ZNF569: variants seen among roughly 807,000 people sequenced by gnomAD.
ZNF569 encodes the protein zinc finger protein 569.
ZNF569 carries 38 observed loss-of-function variants against 56.3 expected under a neutral mutation model. The ratio of observed to expected loss-of-function variants is 0.68; its 90% CI spans 0.52 to 0.88. ZNF569 has a LOEUF of 0.88. ZNF569 is among the 40% of genes least tolerant of loss of function. ZNF569 has a pLI of 0.00. For missense variants in ZNF569, 666 were observed against 809.2 expected (o/e 0.82, Z 2.15); for synonymous variants, 241 against 262.9 (o/e 0.92, Z 0.81).
At chr19:37,437,405 C>A (rs1029697511) in intron 3 of ZNF569, among the ~76,000 whole-genome samples, 1 of 152,126 alleles carries the variant, frequency 6.6e-6, no homozygotes, top group Non-Finnish European at 1.5e-5. Context: ...GAAAGCCTTT[C>A]CTTTAAGATC....
At chr19:37,442,420 C>T (rs2041421659) in intron 3 of ZNF569, among the ~76,000 whole-genome samples, 1 of 152,054 alleles carries the variant, frequency 6.6e-6, no homozygotes, top group South Asian at 2.1e-4. Flanking sequence ...GGGTGAAACA[C>T]AGTGAATGAG....
intron 2 of ZNF569, among the ~76,000 whole-genome samples, chr19:37,451,210 G>GA (rs1404939422): frequency 1.3e-5 from 2 of 151,948 alleles, no homozygotes; most frequent in Non-Finnish European, 2.9e-5. Context: ...GACCAGCCTG[G>GA]ATAACATGTT....
At chr19:37,428,221 C>G (rs75226039) in intron 3 of ZNF569, among the ~76,000 whole-genome samples, 1 of 152,082 alleles carries the variant, frequency 6.6e-6, no homozygotes, top group African/African-American at 2.4e-5. Context: ...TATTTAAAAG[C>G]TGGAGCTAGG....
chr19:37,414,397 C>T lies in ZNF569; in HGVS notation c.261G>A (p.Glu87=). 6.3e-7 allele frequency: 1 copy of T among 1,588,688 alleles called. No homozygotes were observed. The highest frequency in any genetic ancestry group is 8.5e-7 in the Non-Finnish European group (1 of 1,170,686). Residue 87 remains glutamate, a synonymous_variant, in exon 6 of 6, where the codon GAG becomes GAA. Coordinates refer to ENST00000316950, the MANE Select transcript of ZNF569 (RefSeq NM_152484.3). ...HWQGEIWGVD[E]HQKNQDRLLR... ...AAAGTCTGTCCTGGTTTTTCTGATG[C>T]TCATCAACTCCCCATATTTCTCCTA...
intron 3 of ZNF569, among the ~76,000 whole-genome samples, chr19:37,442,570 T>C (rs1224913240): frequency 1.3e-5 from 2 of 152,192 alleles, no homozygotes; most frequent in Non-Finnish European, 2.9e-5. Context: ...ACCTTAGGTT[T>C]AAATTATCAC....
intron 5 of ZNF569, among the ~76,000 whole-genome samples, chr19:37,417,579 G>A (rs1404855477): frequency 1.3e-5 from 2 of 152,124 alleles, no homozygotes; most frequent in Non-Finnish European, 2.9e-5. Context: ...TACCCAGCTT[G>A]TGGTACTTTG....
chr19:37,457,096 C>A (rs1029274933), intron 2 of ZNF569, among the ~76,000 whole-genome samples: 19 of 152,026 alleles, frequency 1.2e-4, no homozygotes, highest in African/African-American at 4.6e-4. Flanking sequence ...ACCTCTCTTT[C>A]CTTCTCTAAA....
At chr19:37,462,060 C>G (rs555994657) in intron 2 of ZNF569, among the ~76,000 whole-genome samples, 51 of 152,278 alleles carry the variant, frequency 3.3e-4, no homozygotes, top group Admixed American at 3.0e-3. Flanking sequence ...TTCTCAAACT[C>G]TAGCACGTCC....
At chr19:37,415,613 A>G (rs572756347) in intron 5 of ZNF569, among the ~76,000 whole-genome samples, 45 of 151,932 alleles carry the variant, frequency 3.0e-4, no homozygotes, top group South Asian at 6.2e-4. Context: ...GCTCATGCCT[A>G]TAATCCCAGC....
At chr19:37,462,020 C>G (rs576735268) in intron 2 of ZNF569, among the ~76,000 whole-genome samples, 1 of 152,190 alleles carries the variant, frequency 6.6e-6, no homozygotes, top group South Asian at 2.1e-4. Context: ...ATTCTCTGTC[C>G]CAATCTCTGT....
intron 2 of ZNF569, among the ~76,000 whole-genome samples, chr19:37,445,393 T>C (rs1027420076): frequency 2.0e-5 from 3 of 152,210 alleles, no homozygotes; most frequent in African/African-American, 7.2e-5. Flanking sequence ...GTGTGAGTAA[T>C]GTGTATCGGA....
chr19:37,429,903 T>C (rs1468626322), intron 3 of ZNF569, among the ~76,000 whole-genome samples: 1 of 152,042 alleles, frequency 6.6e-6, no homozygotes, highest in African/African-American at 2.4e-5. Flanking sequence ...TGTAGAAAAA[T>C]GAATACAGGC....
chr19:37,458,830 A>G (rs2146971090), intron 2 of ZNF569, among the ~76,000 whole-genome samples: 1 of 152,354 alleles, frequency 6.6e-6, no homozygotes, highest in East Asian at 1.9e-4. Context: ...AATGCGAACT[A>G]TAAGAAAGAA....
intron 2 of ZNF569, among the ~76,000 whole-genome samples, chr19:37,450,638 G>A (rs962168701): frequency 4.6e-5 from 7 of 151,658 alleles, no homozygotes; most frequent in Non-Finnish European, 1.0e-4. Context: ...TTATGCTCTC[G>A]TTTCCTTTAT....
intron 5 of ZNF569, among the ~76,000 whole-genome samples, chr19:37,424,032 C>T (rs190018501): frequency 6.6e-6 from 1 of 152,030 alleles, no homozygotes; most frequent in African/African-American, 2.4e-5. Context: ...TGCACACCTA[C>T]ATTACATACA....
At chr19:37,448,934 TA>T (rs1568741500) in intron 2 of ZNF569, among the ~76,000 whole-genome samples, 1 of 152,190 alleles carries the variant, frequency 6.6e-6, no homozygotes, top group African/African-American at 2.4e-5. Context: ...AGAAGTGTAG[TA>T]ATGATTTTTC....
chr19:37,447,678 G>A (rs2041520842), intron 2 of ZNF569, among the ~76,000 whole-genome samples: 1 of 151,974 alleles, frequency 6.6e-6, no homozygotes, highest in South Asian at 2.1e-4. Flanking sequence ...ATTGTTCCCA[G>A]TCTTAGAGAT....
intron 3 of ZNF569, among the ~76,000 whole-genome samples, chr19:37,435,001 G>A (rs377730502): frequency 1.3e-5 from 2 of 152,062 alleles, no homozygotes; most frequent in South Asian, 2.1e-4. Context: ...CTCTTCACAC[G>A]TGCGCGTGTG....
intron 2 of ZNF569, among the ~76,000 whole-genome samples, chr19:37,449,683 T>A (rs551518602): frequency 3.6e-4 from 55 of 152,202 alleles, no homozygotes; most frequent in South Asian, 1.0e-3. Context: ...TGGCTTTTTT[T>A]AATATCATTT....
Sources: gnomAD v4.1 joint callset for allele counts (sites outside exome capture counted in the v4.1 genomes callset) on GRCh38, gnomAD v4.1.1 for gene constraint, MANE v1.5 for transcripts, NCBI Gene and HGNC (gene_info 2026-07-23, HGNC 2026-07-21) for gene names.